LRP2: variants seen among roughly 807,000 people sequenced by gnomAD.
LRP2 encodes the protein LDL receptor related protein 2.
Under a neutral mutation model 531.0 loss-of-function variants are expected in LRP2, and 172 were observed. That is an observed-to-expected ratio of 0.32 (90% CI 0.29 to 0.37). The LOEUF is 0.37. LRP2 is among the 10% of genes least tolerant of loss of function. The pLI is 1.00. For missense variants in LRP2, 5,167 were observed against 5,868.3 expected, an observed-to-expected ratio of 0.88 and a Z score of 3.90; for synonymous variants, 1,992 against 2,027.6, an observed-to-expected ratio of 0.98 and a Z score of 0.47.
chr2:169,139,325 T>G lies in LRP2; in HGVS notation c.13314A>C (p.Gly4438=). Residue 4438 remains glycine, a synonymous_variant, in exon 74 of 79, where the codon GGA becomes GGC. Transcript: ENST00000649046. ...GGAAGAATCCTGCAATTGCCAGAGC[T>G]CCAATTACGACGATCAAGAGGATTG... ...LLTILLIVVI[G]ALAIAGFFHY... The G allele has an allele frequency of 6.2e-7, 1 of 1,614,098 alleles. No homozygotes were observed. Among genetic ancestry groups the G allele is most frequent in the Non-Finnish European group, 8.5e-7 (1 of 1,180,022 alleles).
At chr2:169,328,437 G>A (rs986279431) in intron 1 of LRP2, among the ~76,000 whole-genome samples, 1 of 99,032 alleles carries the variant, frequency 1.0e-5, no homozygotes, top group Non-Finnish European at 1.9e-5. Context: ...AGAACGGGCC[G>A]GGATAAAAAA....
chr2:169,284,274 T>TTTC (rs1683787684), intron 9 of LRP2, among the ~76,000 whole-genome samples: 1 of 132,702 alleles, frequency 7.5e-6, no homozygotes, highest in Admixed American at 7.6e-5. Context: ...TTTTTTTTTT[T>TTTC]TTTTTTTTGA....
At position 169,185,677 on chromosome 2, in the gene LRP2, T is replaced by C. The variant is rs1034063841; in HGVS notation, c.9671A>G (p.Glu3224Gly). Reference protein sequence around the residue: ...IDGYFYSLILEGLDNVVALDF... With the variant: ...IDGYFYSLILGGLDNVVALDF... ...TAATGCCACAACATTGTCCAGTCCT[T>C]CCAAGATGAGGGAGTAAAAATAGCC... Residue 3224 changes from glutamate to glycine, a missense_variant, in exon 50 of 79, where the codon GAA (glutamate) becomes GGA (glycine). This residue lies in a region of LRP2 where 1,129 missense variants were observed against 1,362.7 expected (regional missense o/e 0.83). Transcript: ENST00000649046. 3 of 1,613,940 alleles carry C rather than the reference T, an allele frequency of 1.9e-6. No individual in the cohort carries two copies. Among genetic ancestry groups the C allele is most frequent in the Non-Finnish European group, 2.5e-6 (3 of 1,180,028 alleles).
At chr2:169,352,190 A>C (rs918330967) in intron 1 of LRP2, among the ~76,000 whole-genome samples, 1 of 152,304 alleles carries the variant, frequency 6.6e-6, no homozygotes, top group South Asian at 2.1e-4. Context: ...AATGAATCCA[A>C]CGTTCTTAGG....
chr2:169,156,163 AAAG>A (rs747036949), intron 65 of LRP2, 108 bp downstream of exon 65: 687 of 1,489,450 alleles, frequency 4.6e-4, no homozygotes, highest in Non-Finnish European at 6.1e-4. Context: ...GTTTAAAAAA[AAAG>A]AAAGAAAAGA....
At chr2:169,196,588 A>G (rs182186150) in intron 46 of LRP2, among the ~76,000 whole-genome samples, 62 of 152,302 alleles carry the variant, frequency 4.1e-4, no homozygotes, top group African/African-American at 1.3e-3. Context: ...CCAGCACTCA[A>G]CCAAATTCAG....
chr2:169,279,325 A>T lies in LRP2; in HGVS notation c.1565+47T>A, dbSNP rs767353920. The T allele has an allele frequency of 2.1e-6, 3 of 1,399,848 alleles. No individual in the cohort carries two copies. In the South Asian group the frequency reaches 3.5e-5, roughly 16 times the overall value. 86.7% of individuals were successfully genotyped at this position (1,399,848 alleles called of 1,614,324 possible). On this transcript the variant is annotated intron_variant, in intron 12 of 78. Coordinates refer to ENST00000649046, the MANE Select transcript of LRP2 (RefSeq NM_004525.3). ...AGATGTTCAGTGTATAGAGGGAGAG[A>T]GAAAATTCTAAAAATACAGGAATCA...
chr2:169,211,851 G>A, intron 37 of LRP2, 117 bp downstream of exon 37: 4 of 1,388,200 alleles, frequency 2.9e-6, no homozygotes, highest in South Asian at 1.2e-5. Context: ...GATTTAAAGG[G>A]AAAGGAAAGC....
chr2:169,146,531 A>G (rs1440621978), intron 69 of LRP2, among the ~76,000 whole-genome samples: 3 of 152,170 alleles, frequency 2.0e-5, no homozygotes, highest in Non-Finnish European at 4.4e-5. Flanking sequence ...AAAGTTGTGT[A>G]AAAAGGACGA....
chr2:169,351,221 C>A (rs550113336), intron 1 of LRP2, among the ~76,000 whole-genome samples: 5 of 152,208 alleles, frequency 3.3e-5, no homozygotes, highest in Admixed American at 3.3e-4. Context: ...TCATGAGTGA[C>A]TTTGACCAAA....
intron 19 of LRP2, among the ~76,000 whole-genome samples, chr2:169,254,753 A>T: frequency 6.6e-6 from 1 of 151,850 alleles, no homozygotes. Context: ...TACTGATGAA[A>T]CCAAAAGATA....
chr2:169,134,201 C>T (rs956102563), intron 76 of LRP2, among the ~76,000 whole-genome samples: 5 of 125,788 alleles, frequency 4.0e-5, no homozygotes, highest in Non-Finnish European at 5.7e-5. Flanking sequence ...CAGCGGCTGC[C>T]ACTGCTTTAA....
chr2:169,355,708 T>C (rs1456405383), intron 1 of LRP2, among the ~76,000 whole-genome samples: 1 of 152,148 alleles, frequency 6.6e-6, no homozygotes, highest in African/African-American at 2.4e-5. Flanking sequence ...AAGGAGAACA[T>C]GTTTAAGAAT....
chr2:169,245,050 G>A, intron 21 of LRP2, 118 bp from the exon 22 acceptor site: 1 of 1,083,584 alleles, frequency 9.2e-7, no homozygotes, highest in South Asian at 1.3e-5. Context: ...ATAATAAGGA[G>A]AAATGTTCAT....
At chr2:169,264,182 C>A (rs1378618304) in intron 16 of LRP2, among the ~76,000 whole-genome samples, 2 of 151,930 alleles carry the variant, frequency 1.3e-5, no homozygotes, top group Non-Finnish European at 2.9e-5. Context: ...CAGCATGGCA[C>A]ATGTATACAT....
Position 169,146,719 on chromosome 2 carries a change from C to A in LRP2, c.12811+20G>T, listed in dbSNP as rs1558977856. The A allele has an allele frequency of 6.4e-7, 1 of 1,552,646 alleles. No homozygotes were observed. The highest frequency in any genetic ancestry group is 1.4e-5 in the African/African-American group (1 of 73,768). ...TGTTAATTATTAATTTAATATATTA[C>A]TTTCTAACTAATTTCTAACCTTCCT... is the stretch of plus-strand genomic sequence containing the variant. On this transcript the variant is annotated intron_variant, in intron 69 of 78. Transcript: ENST00000649046.
In LRP2 at chr2:169,174,162, TC is replaced by T; in HGVS notation, c.10770del (p.Asn3591IlefsTer82). The stretch of plus-strand genomic sequence containing the variant: ...CATTCATTGGAGTCACAGTGGTGAT[TC>T]TCTGAGAGCAGGGACATTTGGTTAT... ...DGSDEDRLLC[E>X]NHHCDSNEWQ... On this transcript the variant is annotated frameshift_variant and splice_region_variant, in exon 56 of 79. Coordinates refer to ENST00000649046, the MANE Select transcript of LRP2 (RefSeq NM_004525.3). LOFTEE classifies it high-confidence loss of function. 6.2e-7 allele frequency: 1 copy of T among 1,614,234 alleles called. No homozygotes were observed. Among genetic ancestry groups the T allele is most frequent in the Non-Finnish European group, 8.5e-7 (1 of 1,180,040 alleles).
chr2:169,312,183 G>A (rs1684617585), intron 3 of LRP2, among the ~76,000 whole-genome samples: 1 of 151,922 alleles, frequency 6.6e-6, no homozygotes. Context: ...CTTTTAATTG[G>A]AGCATTTAGC....
Position 169,235,104 on chromosome 2 carries a change from G to A in LRP2, c.4920+736C>T, listed in dbSNP as rs1165363283. Among the ~76,000 whole-genome samples the A allele has an allele frequency of 3.3e-5, 5 of 151,926 alleles. No homozygotes were observed. In the East Asian group the frequency reaches 5.8e-4, roughly 18 times the overall value. ...TTTTGTATTTTTTTGTAGAAATGGG[G>A]TTTTGCCATGTTACCCAGGCTGGTC... is the stretch of plus-strand genomic sequence containing the variant. On this transcript the variant is annotated intron_variant, in intron 29 of 78. Coordinates refer to ENST00000649046, the MANE Select transcript of LRP2 (RefSeq NM_004525.3).
Sources: allele counts gnomAD v4.1 joint callset (sites outside exome capture counted in the v4.1 genomes callset), GRCh38; gene constraint gnomAD v4.1.1; regional missense constraint gnomAD v4.1.1; transcripts MANE v1.5; gene names NCBI Gene and HGNC (gene_info 2026-07-23, HGNC 2026-07-21).